Variants in ATP13A4 observed in about 807,000 individuals in gnomAD.
The protein encoded by ATP13A4 is probable cation-transporting ATPase 13A4.
In ATP13A4, 114 loss-of-function variants were observed where a neutral mutation model predicts 142.5. The observed-to-expected ratio is 0.80, with a 90% confidence interval of 0.69 to 0.93. ATP13A4 has a LOEUF of 0.93. ATP13A4 is among the 40% of genes least tolerant of loss of function. The probability of loss-of-function intolerance (pLI) is 0.00; values close to 1 mark genes in which losing one functional copy is unlikely to be tolerated. For missense variants in ATP13A4, 1,392 were observed against 1,454.0 expected, an observed-to-expected ratio of 0.96 and a Z score of 0.69; for synonymous variants, 488 against 514.8, an observed-to-expected ratio of 0.95 and a Z score of 0.70.
At chr3:193,573,080 A>C in intron 2 of ATP13A4, among the ~76,000 whole-genome samples, 1 of 149,094 alleles carries the variant, frequency 6.7e-6, no homozygotes. Flanking sequence ...AGGTGGGAGG[A>C]TGGTTTGAGT....
chr3:193,517,544 G>A (rs998351131), intron 1 of ATP13A4, among the ~76,000 whole-genome samples: 1 of 152,246 alleles, frequency 6.6e-6, no homozygotes, highest in East Asian at 1.9e-4. Context: ...ACAGTGGCGC[G>A]ATCTCGGCTC....
At chr3:193,556,989 T>A (rs281812), upstream of ATP13A4, among the ~76,000 whole-genome samples, 75,134 of 151,918 alleles carry the variant, frequency 0.49, 18,672 homozygotes, top group South Asian at 0.6. Flanking sequence ...TTCATTCTCC[T>A]GTTTATCACT....
chr3:193,568,869 A>G (rs1003583430), intron 2 of ATP13A4, among the ~76,000 whole-genome samples: 2 of 152,278 alleles, frequency 1.3e-5, no homozygotes, highest in South Asian at 4.1e-4. Flanking sequence ...TTTATAACCC[A>G]AAGTATAAAA....
At chr3:193,592,238 G>C (rs1157477686) in intron 1 of ATP13A4, among the ~76,000 whole-genome samples, 2 of 151,928 alleles carry the variant, frequency 1.3e-5, no homozygotes, top group African/African-American at 2.4e-5. Flanking sequence ...CTTCATAACC[G>C]TTCACAGGCC....
intron 21 of ATP13A4, among the ~76,000 whole-genome samples, chr3:193,439,593 T>C (rs1037746167): frequency 5.3e-5 from 8 of 152,212 alleles, no homozygotes; most frequent in Non-Finnish European, 8.8e-5. Flanking sequence ...CTGTCAACAG[T>C]CACTCAACTC....
chr3:193,509,989 T>C (rs1721057172), intron 2 of ATP13A4, among the ~76,000 whole-genome samples: 1 of 151,982 alleles, frequency 6.6e-6, no homozygotes, highest in African/African-American at 2.4e-5. Flanking sequence ...AAAACATAAG[T>C]GAATGAATGC....
rs542683012 is a variant in ATP13A4 at position 193,583,476 on chromosome 3, A to G, written n.92-1570T>C. On this transcript the variant is annotated intron_variant and non_coding_transcript_variant, in intron 1 of 3. Transcript: ENST00000489140. ...AATAAATAAATAGTAAGATGACAAG[A>G]AAAAACAAGATGATAGCTGTAAAAA... Among the ~76,000 whole-genome samples the G allele has an allele frequency of 4.6e-5, 7 of 152,104 alleles. 1 individual carries two copies. The highest frequency in any genetic ancestry group is 8.8e-5 in the Non-Finnish European group (6 of 68,018).
Position 193,402,417 on chromosome 3 carries a change from G to C in ATP13A4, c.*235C>G. On this transcript the variant is annotated 3_prime_UTR_variant, in exon 30 of 30. Coordinates refer to ENST00000342695, the MANE Select transcript of ATP13A4 (RefSeq NM_032279.4). ...CCATAGAAATTCTTGGCCCATTCTTGCCTTCACTGAATGCCTCTAATACCT... is the reference window on the plus strand; with the variant it reads ...CCATAGAAATTCTTGGCCCATTCTTCCCTTCACTGAATGCCTCTAATACCT... The C allele has an allele frequency of 2.0e-6, 1 of 498,292 alleles. No individual in the cohort carries two copies. The highest frequency in any genetic ancestry group is 5.7e-4 in the Middle Eastern group (1 of 1,752). The allele number at this position is 498,292 out of a possible 1,614,324, so 30.9% of individuals were successfully genotyped here.
intron 1 of ATP13A4, among the ~76,000 whole-genome samples, chr3:193,549,037 A>G (rs1248338280): frequency 2.0e-5 from 3 of 152,230 alleles, no homozygotes; most frequent in African/African-American, 4.8e-5. Context: ...TCAATTTTGT[A>G]TACTGAATGA....
rs142240483 is a variant in ATP13A4, at chr3:193,467,459, G to T, written c.971C>A (p.Pro324Gln). Residue 324 changes from proline (P) to glutamine (Q), a missense_variant, in exon 10 of 30, where the codon CCG becomes CAG. Coordinates refer to ENST00000342695, the MANE Select transcript of ATP13A4 (RefSeq NM_032279.4). ...CACAGAGCTATCCATCTTGGGTAAC[G>T]GAGTTTTGGTGACTGGAATACTTTC... ...TGESIPVTKT[P>Q]LPKMDSSVPW... The T allele has an allele frequency of 1.7e-5, 27 of 1,613,616 alleles. No individual in the cohort carries two copies. The highest frequency in any genetic ancestry group is 2.2e-5 in the Non-Finnish European group (26 of 1,179,990).
intron 16 of ATP13A4, 88 bp downstream of exon 16, chr3:193,456,912 G>T: frequency 1.3e-6 from 2 of 1,489,410 alleles, no homozygotes. Context: ...TGACCCATAG[G>T]CGATTGAATT....
At chr3:193,465,771 G>A (rs949482416) in intron 11 of ATP13A4, among the ~76,000 whole-genome samples, 1 of 152,168 alleles carries the variant, frequency 6.6e-6, no homozygotes, top group African/African-American at 2.4e-5. Context: ...GGTATAAAGT[G>A]TGAGGAAAAG....
At chr3:193,584,544 T>C (rs190472496) in intron 1 of ATP13A4, among the ~76,000 whole-genome samples, 5 of 152,198 alleles carry the variant, frequency 3.3e-5, no homozygotes, top group African/African-American at 1.2e-4. Context: ...TTGCCTGTTA[T>C]GCTCATTTTC....
intron 2 of ATP13A4, among the ~76,000 whole-genome samples, chr3:193,576,343 C>G (rs111870713): frequency 0.029 from 3,951 of 135,672 alleles, 185 homozygotes; most frequent in African/African-American, 0.098. Context: ...GCAATCTCGG[C>G]TCACTGCAAG....
rs563947550 is a variant in ATP13A4, at chr3:193,429,415, G to A, written c.2842+4430C>T. On this transcript the variant is annotated intron_variant, in intron 25 of 29. Coordinates refer to ENST00000342695, the MANE Select transcript of ATP13A4 (RefSeq NM_032279.4). ...CACCCAAGTCCATCAACAAATAAAT[G>A]GATAGATAAAATGTGGTATATACAT... 6.6e-5 allele frequency among the ~76,000 whole-genome samples: 10 copies of A among 152,100 alleles called. No homozygotes were observed. In the South Asian group the frequency reaches 1.9e-3, roughly 28 times the overall value.
intron 2 of ATP13A4, among the ~76,000 whole-genome samples, chr3:193,572,263 C>G (rs1193900003): frequency 6.6e-6 from 1 of 152,098 alleles, no homozygotes; most frequent in African/African-American, 2.4e-5. Context: ...ATAGGGGAAA[C>G]TGACTTTGTT....
At chr3:193,581,233 A>C (rs2134880) in intron 2 of ATP13A4, among the ~76,000 whole-genome samples, 79,126 of 151,558 alleles carry the variant, frequency 0.52, 21,314 homozygotes, top group African/African-American at 0.65. Flanking sequence ...TGTCTCAATT[A>C]TGTATGTTAT....
intron 1 of ATP13A4, among the ~76,000 whole-genome samples, chr3:193,549,027 T>C (rs1723387922): frequency 6.6e-6 from 1 of 152,284 alleles, no homozygotes; most frequent in East Asian, 1.9e-4. Context: ...CCACAGAATA[T>C]CAATTTTGTA....
At chr3:193,434,050 C>T in intron 24 of ATP13A4, 133 bp from the exon 25 acceptor site, 1 of 779,750 alleles carries the variant, frequency 1.3e-6, no homozygotes. Context: ...TGTTCGGGGC[C>T]TGGTTGAGTT....
Sources: allele counts gnomAD v4.1 joint callset (sites outside exome capture counted in the v4.1 genomes callset), GRCh38; gene constraint gnomAD v4.1.1; transcripts MANE v1.5; gene names NCBI Gene and HGNC (gene_info 2026-07-23, HGNC 2026-07-21).